The following CACNA1C variants were observed in gnomAD, a reference collection of about 807,000 sequenced individuals.
CACNA1C encodes the protein calcium voltage-gated channel subunit alpha1 C.
A neutral mutation model predicts 229.0 loss-of-function variants in CACNA1C; 30 were observed. The observed-to-expected ratio is 0.13, with a 90% CI of 0.10 to 0.18. The LOEUF (loss-of-function observed/expected upper bound fraction) is 0.18, where lower values mean the gene tolerates loss of function less well. CACNA1C is among the 10% of genes least tolerant of loss of function. The pLI, the probability that CACNA1C is intolerant of heterozygous loss-of-function variation, is 1.00. For missense variants in CACNA1C, 1,658 were observed against 2,845.0 expected (o/e 0.58, Z 9.49); for synonymous variants, 1,114 against 1,132.5 (o/e 0.98, Z 0.33).
At chr12:2,085,479 C>T (rs1372890165) in intron 1 of CACNA1C, among the ~76,000 whole-genome samples, 1 of 152,062 alleles carries the variant, frequency 6.6e-6, no homozygotes, top group African/African-American at 2.4e-5. Flanking sequence ...CAACTTGGTG[C>T]CACCAAGTTG....
At chr12:2,407,677 C>G (rs1240033802) in intron 3 of CACNA1C, among the ~76,000 whole-genome samples, 2 of 106,324 alleles carry the variant, frequency 1.9e-5, no homozygotes, top group Non-Finnish European at 4.0e-5. Context: ...GACATCGTCT[C>G]CACTGACACC....
intron 29 of CACNA1C, among the ~76,000 whole-genome samples, chr12:2,617,171 T>C (rs1038135017): frequency 5.9e-5 from 9 of 152,178 alleles, no homozygotes; most frequent in Admixed American, 2.0e-4. Flanking sequence ...GAGGAATCCA[T>C]CAACGAGGCC....
intron 9 of CACNA1C, among the ~76,000 whole-genome samples, chr12:2,514,363 A>G (rs2099791561): frequency 6.6e-6 from 1 of 152,200 alleles, no homozygotes; most frequent in Admixed American, 6.5e-5. Flanking sequence ...AAGCACACAA[A>G]CAACAAGGGA....
At chr12:2,554,639 T>C (rs989748565) in intron 10 of CACNA1C, among the ~76,000 whole-genome samples, 1 of 152,194 alleles carries the variant, frequency 6.6e-6, no homozygotes, top group Non-Finnish European at 1.5e-5. Context: ...GCTCCTGGCT[T>C]GCGTCCTCTC....
At position 2,552,586 on chromosome 12, in the gene CACNA1C, A is replaced by G. The variant is rs575192132; in HGVS notation, c.1481+2553A>G. Among the ~76,000 whole-genome samples the G allele has an allele frequency of 2.3e-4, 35 of 152,322 alleles. No homozygotes were observed. In the South Asian group the frequency reaches 3.9e-3, roughly 17 times the overall value. On this transcript the variant is annotated intron_variant, in intron 10 of 46. Transcript: ENST00000399655. Reference sequence around the variant, plus strand: ...GATTTGGTTAGTTCTGAGCTCCTGAAGGATCACTGCGACGTCAGGAAAAGA... The same window carrying G: ...GATTTGGTTAGTTCTGAGCTCCTGAGGGATCACTGCGACGTCAGGAAAAGA...
chr12:2,406,907 C>T (rs1410357930), intron 3 of CACNA1C, among the ~76,000 whole-genome samples: 1 of 152,246 alleles, frequency 6.6e-6, no homozygotes, highest in Non-Finnish European at 1.5e-5. Context: ...CTTACAGCTG[C>T]TTTCCTTTGC....
At chr12:2,625,076 A>G (rs1251331387) in intron 29 of CACNA1C, among the ~76,000 whole-genome samples, 2 of 152,168 alleles carry the variant, frequency 1.3e-5, no homozygotes, top group African/African-American at 4.8e-5. Context: ...CAGCTTTGCC[A>G]GGAGGACCTT....
At chr12:2,343,556 A>G (rs1244220115) in intron 3 of CACNA1C, among the ~76,000 whole-genome samples, 1 of 152,170 alleles carries the variant, frequency 6.6e-6, no homozygotes, top group Non-Finnish European at 1.5e-5. Context: ...TTTGTTGTTT[A>G]TCTGAAATTC....
intron 1 of CACNA1C, among the ~76,000 whole-genome samples, chr12:2,023,077 T>C (rs2046737760): frequency 6.6e-6 from 1 of 152,182 alleles, no homozygotes; most frequent in Non-Finnish European, 1.5e-5. Context: ...TGTATTTTCA[T>C]TCTGCACTGA....
intron 3 of CACNA1C, among the ~76,000 whole-genome samples, chr12:2,213,557 G>A (rs144963435): frequency 6.6e-6 from 1 of 152,224 alleles, no homozygotes; most frequent in Non-Finnish European, 1.5e-5. Context: ...CTAGTTCGCT[G>A]CTACCTGGCA....
chr12:2,299,510 G>T lies in CACNA1C; in HGVS notation c.478-149466G>T, dbSNP rs146605426. Among the ~76,000 whole-genome samples, 564 of 152,136 alleles carry T rather than the reference G, an allele frequency of 3.7e-3. 3 individuals carry two copies. Among genetic ancestry groups the T allele is most frequent in the Non-Finnish European group, 6.6e-3 (447 of 68,002 alleles). On this transcript the variant is annotated intron_variant, in intron 3 of 46. Coordinates refer to ENST00000399655, the MANE Select transcript of CACNA1C (RefSeq NM_000719.7). Reference sequence around the variant, plus strand: ...CTAGTTCAGATGCTATGGACAGAGGGGTTCCTGTGGGACCAGTGCTTCTCA... The same window carrying T: ...CTAGTTCAGATGCTATGGACAGAGGTGTTCCTGTGGGACCAGTGCTTCTCA...
chr12:2,691,032 G>A lies in CACNA1C; in HGVS notation c.6250G>A (p.Gly2084Arg), dbSNP rs1060503444. 3.1e-6 allele frequency: 5 copies of A among 1,603,046 alleles called. No homozygotes were observed. Among genetic ancestry groups the A allele is most frequent in the Non-Finnish European group, 4.3e-6 (5 of 1,175,080 alleles). Residue 2084 changes from glycine (G) to arginine (R), a missense_variant, in exon 47 of 47, where the codon GGG becomes AGG. Physicochemically the swap from Gly to Arg is moderately radical, Grantham distance 125. Coordinates refer to ENST00000399655, the MANE Select transcript of CACNA1C (RefSeq NM_000719.7). ...GAGCGCGGCCGACAACATCCTCAGC[G>A]GGGGCGCCCCACAGAGCCCCAATGG... is the stretch of plus-strand genomic sequence containing the variant. ...MESAADNILS[G>R]GAPQSPNGAL...
intron 3 of CACNA1C, among the ~76,000 whole-genome samples, chr12:2,443,568 GT>G (rs2099249246): frequency 6.6e-6 from 1 of 152,148 alleles, no homozygotes; most frequent in South Asian, 2.1e-4. Flanking sequence ...AAAGCTTCCC[GT>G]TTCCCAAGAT....
At chr12:2,355,580 G>A (rs2097337654) in intron 3 of CACNA1C, among the ~76,000 whole-genome samples, 1 of 152,178 alleles carries the variant, frequency 6.6e-6, no homozygotes, top group Admixed American at 6.5e-5. Context: ...CAGCCCAAAT[G>A]TCACTTTGTC....
At chr12:2,151,585 G>A (rs796457528) in intron 3 of CACNA1C, among the ~76,000 whole-genome samples, 1 of 152,308 alleles carries the variant, frequency 6.6e-6, no homozygotes, top group African/African-American at 2.4e-5. Flanking sequence ...GGGAGGCTGG[G>A]TACGTCTCAG....
intron 1 of CACNA1C, among the ~76,000 whole-genome samples, chr12:2,074,670 T>C (rs992848742): frequency 2.6e-5 from 4 of 152,196 alleles, no homozygotes; most frequent in African/African-American, 9.7e-5. Context: ...CTGAAGATGT[T>C]GCCCTTTCCG....
chr12:2,545,642 G>A (rs2099879705), intron 9 of CACNA1C, among the ~76,000 whole-genome samples: 1 of 152,042 alleles, frequency 6.6e-6, no homozygotes, highest in Admixed American at 6.6e-5. Context: ...AAAAAATAAA[G>A]TGAGAAATGC....
chr12:2,119,092 C>G (rs1164837645), intron 2 of CACNA1C, among the ~76,000 whole-genome samples: 1 of 152,148 alleles, frequency 6.6e-6, no homozygotes, highest in East Asian at 1.9e-4. Context: ...ACTTGGTGAT[C>G]GGGAAATCCG....
At chr12:2,523,719 C>G (rs2099813978) in intron 9 of CACNA1C, among the ~76,000 whole-genome samples, 1 of 152,226 alleles carries the variant, frequency 6.6e-6, no homozygotes, top group South Asian at 2.1e-4. Context: ...GCTGATTTGA[C>G]TTTAATTTGG....
Sources: gnomAD v4.1 joint callset for allele counts (sites outside exome capture counted in the v4.1 genomes callset) on GRCh38, gnomAD v4.1.1 for gene constraint, MANE v1.5 for transcripts, NCBI Gene and HGNC (gene_info 2026-07-23, HGNC 2026-07-21) for gene names.